Variants in TNFRSF8 observed in about 807,000 individuals in gnomAD.
The protein encoded by TNFRSF8 is TNF receptor superfamily member 8.
TNFRSF8 carries 26 observed loss-of-function variants against 70.8 expected under a neutral mutation model. The observed-to-expected ratio is 0.37, with a 90% CI of 0.27 to 0.51. TNFRSF8 has a LOEUF of 0.51. Among genes scored for constraint, TNFRSF8 ranks in the 20% least tolerant of loss-of-function variants. TNFRSF8 has a pLI of 0.94. For synonymous variants in TNFRSF8, 356 were observed against 339.2 expected (o/e 1.05, Z -0.54); for missense variants, 720 against 807.9 (o/e 0.89, Z 1.32).
Position 12,108,065 on chromosome 1 carries a change from C to G in TNFRSF8, c.422-1501C>G, listed in dbSNP as rs972249638. On this transcript the variant is annotated intron_variant, in intron 4 of 14. Transcript: ENST00000263932. This position sits in a 1 kb window ranked among gnomAD's most constrained non-coding sequence, Gnocchi z 4.0. Reference sequence around the variant, plus strand: ...GCTTCAGAGCGAAGTCCCACACATACAGGCCACCATTTTTTTATTTTTTTT... The same window carrying G: ...GCTTCAGAGCGAAGTCCCACACATAGAGGCCACCATTTTTTTATTTTTTTT... 2.1e-5 allele frequency among the ~76,000 whole-genome samples: 3 copies of G among 143,936 alleles called. No homozygotes were observed. The highest frequency in any genetic ancestry group is 1.4e-4 in the Admixed American group (2 of 14,324). 94.4% of individuals were successfully genotyped at this position (143,936 alleles called of 152,430 possible).
chr1:12,083,950 G>C (rs536576854), intron 1 of TNFRSF8, among the ~76,000 whole-genome samples: 13 of 152,162 alleles, frequency 8.5e-5, no homozygotes, highest in Non-Finnish European at 2.9e-5. Context: ...GGGGGATGAC[G>C]GAGGAGCTGG....
chr1:12,099,415 G>A (rs1299305567), intron 3 of TNFRSF8, among the ~76,000 whole-genome samples: 1 of 152,024 alleles, frequency 6.6e-6, no homozygotes, highest in African/African-American at 2.4e-5. Context: ...AAAGTGTTGG[G>A]ATTACAGGTG....
At position 12,112,068 on chromosome 1, in the gene TNFRSF8, C is replaced by G; in HGVS notation, c.793+54C>G. ...AGTTTACCTCTCTGCATTTTTGAAC[C>G]GTGAACTTCCAGTAACTACTCCCCC... On this transcript the variant is annotated intron_variant, in intron 7 of 14. Transcript: ENST00000263932. The surrounding 1 kb of genome is among the most constrained non-coding windows in gnomAD (Gnocchi z 5.3). The G allele has an allele frequency of 2.2e-6, 3 of 1,365,936 alleles. No homozygotes were observed. Among genetic ancestry groups the G allele is most frequent in the Non-Finnish European group, 3.1e-6 (3 of 965,214 alleles). The allele number at this position is 1,365,936 out of a possible 1,614,324, so 84.6% of individuals were successfully genotyped here.
chr1:12,073,597 T>C (rs938245864), intron 1 of TNFRSF8, among the ~76,000 whole-genome samples: 8 of 150,118 alleles, frequency 5.3e-5, no homozygotes, highest in Admixed American at 2.6e-4. Context: ...TTTTTCTTTT[T>C]TTTTTTTCAT....
At chr1:12,085,252 C>T (rs182662554) in intron 2 of TNFRSF8, among the ~76,000 whole-genome samples, 58 of 152,040 alleles carry the variant, frequency 3.8e-4, no homozygotes, top group Non-Finnish European at 6.8e-4. Context: ...CTGGGATTAC[C>T]GGCATGCACC....
rs1415924879 is a variant in TNFRSF8, at chr1:12,123,330, C to T, written c.993C>T (p.Thr331=). ...DTTFEAPPLG[T]QPDCNPTPEN... is the part of the protein sequence containing the mutation. ...CCTTTGAGGCGCCACCCCTGGGGAC[C>T]CAGCCGGACTGCAACCCCACCCCAG... Residue 331 remains threonine, a synonymous_variant, in exon 9 of 15, where the codon ACC becomes ACT. Transcript: ENST00000263932. The T allele has an allele frequency of 6.2e-7, 1 of 1,613,326 alleles. No homozygotes were observed. The highest frequency in any genetic ancestry group is 2.2e-5 in the East Asian group (1 of 44,882).
intron 12 of TNFRSF8, among the ~76,000 whole-genome samples, chr1:12,127,360 C>T (rs1005334613): frequency 6.6e-6 from 1 of 152,258 alleles, no homozygotes; most frequent in African/African-American, 2.4e-5. Context: ...AGGTGGACGG[C>T]TGGCCCAGGG....
At chr1:12,136,286 A>T (rs1642143772) in intron 13 of TNFRSF8, among the ~76,000 whole-genome samples, 3 of 152,226 alleles carry the variant, frequency 2.0e-5, no homozygotes. Flanking sequence ...GAGGTATTCA[A>T]CAATTTGTAA....
At position 12,142,459 on chromosome 1, in the gene TNFRSF8, C is replaced by A; in HGVS notation, c.1716C>A (p.Cys572Ter). Residue 572 changes from cysteine to a stop codon, truncating the protein, a stop_gained, in exon 15 of 15, where the codon TGC becomes TGA. Transcript: ENST00000263932. LOFTEE classifies it high-confidence loss of function. This position sits in a 1 kb window ranked among gnomAD's most constrained non-coding sequence, Gnocchi z 5.0. ...AGACAGAACCGCCTCTGGGCAGCTG[C>A]AGCGATGTCATGCTCTCAGTGGAAG... ...EQETEPPLGS[C>*]SDVMLSVEEE... 6.2e-7 allele frequency: 1 copy of A among 1,611,462 alleles called. No homozygotes were observed. The highest frequency in any genetic ancestry group is 2.2e-5 in the East Asian group (1 of 44,798).
intron 3 of TNFRSF8, among the ~76,000 whole-genome samples, chr1:12,097,450 A>AT (rs918921529): frequency 3.3e-5 from 5 of 152,046 alleles, no homozygotes; most frequent in Admixed American, 6.6e-5. Flanking sequence ...GAGGACTCAC[A>AT]TTTTTTTGAG....
At chr1:12,115,505 C>T in intron 7 of TNFRSF8, 72 bp from the exon 8 acceptor site, 1 of 1,544,286 alleles carries the variant, frequency 6.5e-7, no homozygotes, top group Non-Finnish European at 9.0e-7. Context: ...TCTCTGTCTT[C>T]CTGGGGGCTC....
chr1:12,138,447 C>T lies in TNFRSF8; in HGVS notation c.1543+11C>T. 6.2e-7 allele frequency: 1 copy of T among 1,605,506 alleles called. No homozygotes were observed. The highest frequency in any genetic ancestry group is 1.1e-5 in the South Asian group (1 of 90,462). On this transcript the variant is annotated intron_variant, in intron 14 of 14. Coordinates refer to ENST00000263932, the MANE Select transcript of TNFRSF8 (RefSeq NM_001243.5). This position sits in a 1 kb window ranked among gnomAD's most constrained non-coding sequence, Gnocchi z 5.7. ...CCAATAACAAGATTGGTGAGTCAGCCTGTTTTGGGAGGTCCCCTGCAGCCC... is the reference window on the plus strand; with the variant it reads ...CCAATAACAAGATTGGTGAGTCAGCTTGTTTTGGGAGGTCCCCTGCAGCCC...
intron 1 of TNFRSF8, among the ~76,000 whole-genome samples, chr1:12,074,669 G>A (rs372032084): frequency 9.8e-5 from 15 of 152,312 alleles, no homozygotes; most frequent in South Asian, 6.2e-4. Flanking sequence ...TTTCTGACTA[G>A]CTCCCATACC....
At chr1:12,132,388 G>A (rs1017977693) in intron 12 of TNFRSF8, among the ~76,000 whole-genome samples, 1 of 152,222 alleles carries the variant, frequency 6.6e-6, no homozygotes, top group Non-Finnish European at 1.5e-5. Flanking sequence ...TGTTTCTCAA[G>A]ACCAGTTTCC....
intron 2 of TNFRSF8, among the ~76,000 whole-genome samples, chr1:12,096,701 A>C (rs1641337371): frequency 6.6e-6 from 1 of 152,136 alleles, no homozygotes; most frequent in Non-Finnish European, 1.5e-5. Flanking sequence ...ATTTATCTTC[A>C]CAGTCCATTC....
intron 7 of TNFRSF8, 33 bp from the exon 8 acceptor site, chr1:12,115,544 T>C: frequency 6.2e-7 from 1 of 1,614,076 alleles, no homozygotes; most frequent in South Asian, 1.1e-5. Flanking sequence ...GCCATACTGA[T>C]CTTTCTCCGT....
At chr1:12,071,120 G>T (rs1640836113) in intron 1 of TNFRSF8, among the ~76,000 whole-genome samples, 1 of 152,150 alleles carries the variant, frequency 6.6e-6, no homozygotes, top group South Asian at 2.1e-4. Context: ...ACATTTGGTG[G>T]CTTAGAACAA....
chr1:12,099,400 C>T (rs1359269507), intron 3 of TNFRSF8, among the ~76,000 whole-genome samples: 2 of 152,078 alleles, frequency 1.3e-5, no homozygotes, highest in African/African-American at 4.8e-5. Flanking sequence ...CCGCCTTGGC[C>T]TCCTAAAGTG....
intron 1 of TNFRSF8, among the ~76,000 whole-genome samples, chr1:12,073,469 CCTT>C (rs1283537684): frequency 2.0e-5 from 3 of 151,514 alleles, no homozygotes; most frequent in African/African-American, 4.8e-5. Context: ...CTTTCTTCTT[CCTT>C]CTTCTTTTCT....
Sources: allele counts gnomAD v4.1 joint callset (sites outside exome capture counted in the v4.1 genomes callset), GRCh38; gene constraint gnomAD v4.1.1; non-coding constraint Gnocchi (gnomAD v3.1); transcripts MANE v1.5; gene names NCBI Gene and HGNC (gene_info 2026-07-23, HGNC 2026-07-21).